The following PPP1R9A variants were observed in gnomAD, a reference collection of about 807,000 sequenced individuals.
PPP1R9A encodes the protein neurabin-1.
In PPP1R9A, 59 loss-of-function variants were observed where a neutral mutation model predicts 141.9. The observed-to-expected ratio is 0.42, with a 90% CI of 0.34 to 0.52. PPP1R9A has a LOEUF of 0.52. Ranked by LOEUF, PPP1R9A falls within the 20% of genes least tolerant of loss-of-function variation. The pLI is 0.10. For missense variants in PPP1R9A, 1,444 were observed against 1,611.9 expected (o/e 0.90, Z 1.78); for synonymous variants, 500 against 569.7 (o/e 0.88, Z 1.74).
intron 2 of PPP1R9A, among the ~76,000 whole-genome samples, chr7:94,956,000 C>T (rs902054338): frequency 6.6e-6 from 1 of 152,128 alleles, no homozygotes; most frequent in African/African-American, 2.4e-5. Flanking sequence ...TACCTGCCAG[C>T]CTGTACCTGT....
At chr7:95,133,518 T>TATATA (rs1271616829) in intron 4 of PPP1R9A, among the ~76,000 whole-genome samples, 2 of 87,906 alleles carry the variant, frequency 2.3e-5, no homozygotes, top group Non-Finnish European at 4.2e-5. Context: ...TCGTATTATA[T>TATATA]ATATATATAT....
At chr7:95,106,217 A>G (rs1044375268) in intron 2 of PPP1R9A, among the ~76,000 whole-genome samples, 1 of 152,194 alleles carries the variant, frequency 6.6e-6, no homozygotes, top group Non-Finnish European at 1.5e-5. Flanking sequence ...AACCAAGCAT[A>G]ATTACATGGA....
At position 95,133,922 on chromosome 7, in the gene PPP1R9A, C is replaced by T. The variant is rs532184240; in HGVS notation, c.1649+13090C>T. 8.3e-4 allele frequency among the ~76,000 whole-genome samples: 127 copies of T among 152,198 alleles called. 1 individual carries two copies. The highest frequency in any genetic ancestry group is 2.9e-3 in the African/African-American group (122 of 41,520). On this transcript the variant is annotated intron_variant, in intron 4 of 19. Coordinates refer to ENST00000433360, the MANE Select transcript of PPP1R9A (RefSeq NM_001166160.2). ...CCAGGCTGGTCTTGAACCAGGCAGC[C>T]ATCCTCCTGCCTCAGCCTCCCAAAG...
intron 5 of PPP1R9A, among the ~76,000 whole-genome samples, chr7:95,181,319 A>C (rs1210405112): frequency 4.6e-4 from 65 of 140,110 alleles, no homozygotes; most frequent in Non-Finnish European, 4.2e-4. Context: ...TATATATAGA[A>C]TATATATATA....
intron 4 of PPP1R9A, among the ~76,000 whole-genome samples, chr7:95,148,918 T>C (rs1426563984): frequency 6.6e-6 from 1 of 150,794 alleles, no homozygotes; most frequent in African/African-American, 2.4e-5. Context: ...AAGTAAACTA[T>C]AGATTAATAT....
chr7:95,232,331 G>A (rs1306690402), intron 8 of PPP1R9A, among the ~76,000 whole-genome samples: 2 of 152,102 alleles, frequency 1.3e-5, no homozygotes, highest in Non-Finnish European at 2.9e-5. Context: ...GCAGAAAACT[G>A]AAACTGGACC....
intron 6 of PPP1R9A, among the ~76,000 whole-genome samples, chr7:95,200,576 G>C (rs1789336455): frequency 6.6e-6 from 1 of 151,956 alleles, no homozygotes; most frequent in Non-Finnish European, 1.5e-5. Flanking sequence ...CACCCTACCT[G>C]GCCCAGATTT....
At chr7:94,954,995 A>G (rs186305012) in intron 2 of PPP1R9A, among the ~76,000 whole-genome samples, 3 of 151,986 alleles carry the variant, frequency 2.0e-5, no homozygotes, top group Non-Finnish European at 4.4e-5. Context: ...GTGTTTACAA[A>G]ATTGCTCGTA....
chr7:95,233,760 A>G lies in PPP1R9A; in HGVS notation c.2112+7644A>G, dbSNP rs1439134846. 5.3e-5 allele frequency among the ~76,000 whole-genome samples: 8 copies of G among 152,168 alleles called. No individual in the cohort carries two copies. The East Asian group carries it at 1.5e-3, about 29-fold the overall frequency. ...CTACAGACCAACATCCCTGATGAAC[A>G]TGGGTGCAGAAATTCTCAACAAATT... is the stretch of plus-strand genomic sequence containing the variant. On this transcript the variant is annotated intron_variant, in intron 8 of 19. Transcript: ENST00000433360.
At chr7:95,241,671 T>TA (rs1260953261) in intron 8 of PPP1R9A, among the ~76,000 whole-genome samples, 2 of 152,038 alleles carry the variant, frequency 1.3e-5, no homozygotes, top group Admixed American at 6.6e-5. Flanking sequence ...TTGCAACAAT[T>TA]AAAAAAATTC....
chr7:94,945,898 A>C (rs1795842431), intron 2 of PPP1R9A, among the ~76,000 whole-genome samples: 3 of 152,044 alleles, frequency 2.0e-5, no homozygotes, highest in Non-Finnish European at 4.4e-5. Flanking sequence ...TCAGTAACTC[A>C]CACACTATTC....
intron 2 of PPP1R9A, among the ~76,000 whole-genome samples, chr7:94,972,379 A>G (rs1419750497): frequency 6.6e-6 from 1 of 152,164 alleles, no homozygotes; most frequent in Non-Finnish European, 1.5e-5. Context: ...AGATGAAACA[A>G]TGCATTCCTA....
intron 14 of PPP1R9A, among the ~76,000 whole-genome samples, chr7:95,270,735 T>C (rs1291039254): frequency 1.3e-5 from 2 of 152,196 alleles, no homozygotes; most frequent in African/African-American, 2.4e-5. Context: ...TTGAACACTA[T>C]CAATTTTCTA....
chr7:95,128,269 A>G (rs1823931392), intron 4 of PPP1R9A, among the ~76,000 whole-genome samples: 1 of 152,178 alleles, frequency 6.6e-6, no homozygotes, highest in Non-Finnish European at 1.5e-5. Flanking sequence ...GATTAGTGAT[A>G]TGGAGCATTT....
rs559000709 is a variant in PPP1R9A at position 95,120,672 on chromosome 7, T to G, written c.1529-40T>G. 6.5e-5 allele frequency: 104 copies of G among 1,603,730 alleles called. No individual in the cohort carries two copies. The South Asian group carries it at 1.1e-3, about 18-fold the overall frequency. On this transcript the variant is annotated intron_variant, in intron 3 of 19. Transcript: ENST00000433360. ...AGCTAATTGCAGACTAGTGTAAAAC[T>G]TAAGTTGTTTCACCTCCCCCCTTTT... is the stretch of plus-strand genomic sequence containing the variant.
chr7:94,938,465 T>C (rs752204797), intron 2 of PPP1R9A, among the ~76,000 whole-genome samples: 2 of 152,148 alleles, frequency 1.3e-5, no homozygotes, highest in Non-Finnish European at 2.9e-5. Flanking sequence ...TCTTTTTTTT[T>C]TCTTAGTATG....
At chr7:95,129,909 G>A (rs1824277170) in intron 4 of PPP1R9A, among the ~76,000 whole-genome samples, 1 of 152,200 alleles carries the variant, frequency 6.6e-6, no homozygotes, top group Non-Finnish European at 1.5e-5. Flanking sequence ...GCTTCAAGAA[G>A]TGACTTAGGT....
intron 2 of PPP1R9A, among the ~76,000 whole-genome samples, chr7:95,084,364 A>G (rs972613183): frequency 6.6e-6 from 1 of 152,064 alleles, no homozygotes; most frequent in Non-Finnish European, 1.5e-5. Flanking sequence ...AACGTCACTA[A>G]GAAATTATTT....
intron 2 of PPP1R9A, among the ~76,000 whole-genome samples, chr7:94,967,650 T>G (rs1272581746): frequency 2.0e-5 from 3 of 151,958 alleles, no homozygotes; most frequent in Non-Finnish European, 4.4e-5. Flanking sequence ...TTTTTTTTTG[T>G]TTTGAGGTGG....
Sources: gnomAD v4.1 joint callset for allele counts (sites outside exome capture counted in the v4.1 genomes callset) on GRCh38, gnomAD v4.1.1 for gene constraint, MANE v1.5 for transcripts, NCBI Gene and HGNC (gene_info 2026-07-23, HGNC 2026-07-21) for gene names.